Variants in WNT3 observed in about 807,000 individuals in gnomAD.
WNT3 encodes the protein Wnt family member 3, also known as proto-oncogene Wnt-3.
In WNT3, 7 loss-of-function variants were observed where a neutral mutation model predicts 34.2. The observed-to-expected ratio is 0.20, with a 90% confidence interval of 0.12 to 0.38. The LOEUF (loss-of-function observed/expected upper bound fraction) is 0.38, where lower values mean the gene tolerates loss of function less well. Among genes scored for constraint, WNT3 ranks in the 10% least tolerant of loss-of-function variants. WNT3 has a pLI of 1.00. For missense variants in WNT3, 267 were observed against 499.8 expected, an observed-to-expected ratio of 0.53 and a Z score of 4.44; for synonymous variants, 212 against 211.5, an observed-to-expected ratio of 1.00 and a Z score of -0.02.
chr17:46,775,609 CTTTTTTTT>C (rs1223588575), intron 1 of WNT3, among the ~76,000 whole-genome samples: 15 of 111,636 alleles, frequency 1.3e-4, no homozygotes, highest in Non-Finnish European at 2.7e-4. Context: ...GCCAGAAGTT[CTTTTTTTT>C]TTTTTTTTTT....
rs1043927178 is a variant in WNT3, at chr17:46,763,345, G to GT, written c.*1284dup. 6 of 152,174 alleles carry GT rather than the reference G, an allele frequency of 3.9e-5. No homozygotes were observed. Among genetic ancestry groups the GT allele is most frequent in the African/African-American group, 1.4e-4 (6 of 41,426 alleles). 9.4% of individuals were successfully genotyped at this position (152,174 alleles called of 1,614,324 possible). A position where few individuals can be genotyped will look rare whatever the true frequency, so the allele number is the denominator to read the frequency against. The stretch of plus-strand genomic sequence containing the variant: ...AGTATGCCTCAGGGAGAACTCAGCC[G>GT]TGAGATGCTTCACCTAAGGGAGTAG... On this transcript the variant is annotated 3_prime_UTR_variant, in exon 5 of 5. Transcript: ENST00000225512.
At chr17:46,787,308 C>T (rs758781765) in intron 1 of WNT3, among the ~76,000 whole-genome samples, 5 of 83,766 alleles carry the variant, frequency 6.0e-5, no homozygotes, top group Admixed American at 2.7e-4. Flanking sequence ...AGGGCGGGGG[C>T]GGGGGAACAA....
Position 46,769,983 on chromosome 17 carries a change from A to T in WNT3, c.388T>A (p.Ser130Thr). 6.2e-7 allele frequency: 1 copy of T among 1,609,222 alleles called. No individual in the cohort carries two copies. Among genetic ancestry groups the T allele is most frequent in the Non-Finnish European group, 8.5e-7 (1 of 1,178,220 alleles). The change falls in exon 3 of 5, where the codon TCC (serine) becomes ACC (threonine). Residue 130 changes from serine to threonine, a missense_variant. Ser to Thr is a moderately conservative substitution (Grantham distance 58, BLOSUM62 1). Coordinates refer to ENST00000225512, the MANE Select transcript of WNT3 (RefSeq NM_030753.5). ...SAGVAFAVTR[S>T]CAEGTSTICG... ...ATGGTGGAGGTGCCCTCGGCGCAGG[A>T]GCGGGTGACGGCGAAGGCCACGCCG...
intron 1 of WNT3, among the ~76,000 whole-genome samples, chr17:46,804,966 T>C (rs2084175953): frequency 8.4e-6 from 1 of 119,566 alleles, no homozygotes; most frequent in African/African-American, 3.2e-5. Flanking sequence ...TGGGTCGCCT[T>C]CCATGCTGTG....
intron 1 of WNT3, among the ~76,000 whole-genome samples, chr17:46,774,943 C>T (rs1319213347): frequency 3.3e-5 from 5 of 152,170 alleles, no homozygotes; most frequent in African/African-American, 1.2e-4. Flanking sequence ...AGAAGGGGCC[C>T]ATCTCCTCTC....
At chr17:46,810,021 T>TTTTTTTTC (rs1352174092) in intron 1 of WNT3, among the ~76,000 whole-genome samples, 1 of 149,974 alleles carries the variant, frequency 6.7e-6, no homozygotes, top group African/African-American at 2.5e-5. Flanking sequence ...TTTTTTTTTT[T>TTTTTTTTC]TTGAGACAGA....
intron 1 of WNT3, among the ~76,000 whole-genome samples, chr17:46,788,229 A>G (rs2083931620): frequency 6.6e-6 from 1 of 152,150 alleles, no homozygotes; most frequent in South Asian, 2.1e-4. Context: ...GTGGAATTCT[A>G]ATTCAAATTT....
chr17:46,808,888 C>T (rs1162597474), intron 1 of WNT3, among the ~76,000 whole-genome samples: 2 of 152,040 alleles, frequency 1.3e-5, no homozygotes, highest in Admixed American at 6.6e-5. Context: ...CTGCTCAGGT[C>T]GAGGGGCCCA....
intron 1 of WNT3, among the ~76,000 whole-genome samples, chr17:46,805,097 G>A (rs2084177336): frequency 2.0e-5 from 3 of 152,132 alleles, no homozygotes; most frequent in Admixed American, 1.3e-4. Flanking sequence ...GTGAGACCAC[G>A]AACCCACTGG....
At chr17:46,787,775 G>A (rs1260815619) in intron 1 of WNT3, among the ~76,000 whole-genome samples, 1 of 152,202 alleles carries the variant, frequency 6.6e-6, no homozygotes. Flanking sequence ...CCAACATGGC[G>A]AAACGCCTGT....
At chr17:46,804,001 A>C (rs1275726886) in intron 1 of WNT3, among the ~76,000 whole-genome samples, 3 of 152,146 alleles carry the variant, frequency 2.0e-5, no homozygotes, top group African/African-American at 7.2e-5. Flanking sequence ...GAGGAAACTC[A>C]GGGCAAGCTC....
intron 1 of WNT3, among the ~76,000 whole-genome samples, chr17:46,811,703 C>G (rs1385028481): frequency 1.3e-5 from 2 of 152,160 alleles, no homozygotes; most frequent in East Asian, 3.9e-4. Context: ...GCCTATAATC[C>G]CAGCACTTTG....
intron 2 of WNT3, among the ~76,000 whole-genome samples, chr17:46,772,389 T>A (rs1465817276): frequency 6.6e-6 from 1 of 152,198 alleles, no homozygotes; most frequent in African/African-American, 2.4e-5. Flanking sequence ...CCCTGGCTCT[T>A]GGCCGGAGAC....
chr17:46,794,816 T>A (rs1302071339), intron 1 of WNT3, among the ~76,000 whole-genome samples: 1 of 151,394 alleles, frequency 6.6e-6, no homozygotes, highest in African/African-American at 2.4e-5. Flanking sequence ...AGAGGTACGA[T>A]TCCAGCTCAC....
chr17:46,785,315 C>T (rs2059494836), intron 1 of WNT3, among the ~76,000 whole-genome samples: 1 of 152,168 alleles, frequency 6.6e-6, no homozygotes. Context: ...GACCTGTCAC[C>T]CTGCATTGTG....
chr17:46,798,657 T>A (rs146440591), intron 1 of WNT3, among the ~76,000 whole-genome samples: 7 of 152,228 alleles, frequency 4.6e-5, no homozygotes, highest in Admixed American at 6.5e-5. Flanking sequence ...CCAGCCACAC[T>A]CACTCACTGT....
chr17:46,773,075 G>C (rs1241522003), intron 2 of WNT3, among the ~76,000 whole-genome samples: 1 of 152,238 alleles, frequency 6.6e-6, no homozygotes, highest in South Asian at 2.1e-4. Context: ...AAATCATGTG[G>C]TTCCCTGTCC....
intron 3 of WNT3, among the ~76,000 whole-genome samples, chr17:46,769,507 C>G (rs1055141933): frequency 6.6e-6 from 1 of 152,122 alleles, no homozygotes; most frequent in Non-Finnish European, 1.5e-5. Flanking sequence ...CCAAGGTGCA[C>G]AGGATGGGTG....
At chr17:46,775,959 C>T (rs1297492799) in intron 1 of WNT3, among the ~76,000 whole-genome samples, 1 of 152,216 alleles carries the variant, frequency 6.6e-6, no homozygotes, top group African/African-American at 2.4e-5. Flanking sequence ...CTGATTTCCC[C>T]GGTGCCTGGC....
Sources: allele counts gnomAD v4.1 joint callset (sites outside exome capture counted in the v4.1 genomes callset), GRCh38; gene constraint gnomAD v4.1.1; transcripts MANE v1.5; gene names NCBI Gene and HGNC (gene_info 2026-07-23, HGNC 2026-07-21).